The following FBRSL1 variants were observed in gnomAD, a reference collection of about 807,000 sequenced individuals.
FBRSL1 encodes the protein fibrosin-1-like protein.
Under a neutral mutation model 89.6 loss-of-function variants are expected in FBRSL1, and 51 were observed. The ratio of observed to expected loss-of-function variants is 0.57; its 90% CI spans 0.45 to 0.72. The LOEUF is 0.72. Among genes scored for constraint, FBRSL1 ranks in the 30% least tolerant of loss-of-function variants. The probability of loss-of-function intolerance (pLI) is 0.00; values close to 1 mark genes in which losing one functional copy is unlikely to be tolerated. For synonymous variants in FBRSL1, 779 were observed against 681.1 expected, an observed-to-expected ratio of 1.14 and a Z score of -2.24; for missense variants, 1,618 against 1,451.8, an observed-to-expected ratio of 1.11 and a Z score of -1.86.
intron 15 of FBRSL1, among the ~76,000 whole-genome samples, chr12:132,579,375 T>C (rs1452056948): frequency 6.6e-6 from 1 of 152,258 alleles, no homozygotes; most frequent in East Asian, 1.9e-4. Flanking sequence ...TAGGTATTAG[T>C]AGAATTACTC....
At chr12:132,548,599 G>A (rs368432681) in intron 5 of FBRSL1, among the ~76,000 whole-genome samples, 18 of 152,124 alleles carry the variant, frequency 1.2e-4, no homozygotes, top group Admixed American at 7.9e-4. Flanking sequence ...AGCAGCCTCC[G>A]GGGGGGCTCT....
Position 132,537,782 on chromosome 12 carries a change from G to A in FBRSL1, c.615+9794G>A, listed in dbSNP as rs552351787. Among the ~76,000 whole-genome samples, 15 of 152,334 alleles carry A rather than the reference G, an allele frequency of 9.8e-5. No individual in the cohort carries two copies. In the East Asian group the frequency reaches 1.9e-3, roughly 20 times the overall value. Reference sequence around the variant, plus strand: ...ACTTCAGAGCCCAGGCCGCCCACACGTGTGCCTGCTATGTCTCCAGCTAAG... The same window carrying A: ...ACTTCAGAGCCCAGGCCGCCCACACATGTGCCTGCTATGTCTCCAGCTAAG... On this transcript the variant is annotated intron_variant, in intron 4 of 18. Transcript: ENST00000680143.
At chr12:132,557,487 GCGGGGCT>G (rs148948630) in intron 5 of FBRSL1, among the ~76,000 whole-genome samples, 1,767 of 152,312 alleles carry the variant, frequency 0.012, 44 homozygotes, top group East Asian at 0.11. Flanking sequence ...GGGCTGTGGG[GCGGGGCT>G]CGGGGCTCGG....
At chr12:132,564,918 G>A (rs956622794) in intron 5 of FBRSL1, among the ~76,000 whole-genome samples, 4 of 141,750 alleles carry the variant, frequency 2.8e-5, no homozygotes, top group African/African-American at 8.6e-5. Context: ...CGTGAGCCGC[G>A]GCCGGCCGCC....
intron 5 of FBRSL1, among the ~76,000 whole-genome samples, chr12:132,562,427 G>A (rs937006510): frequency 1.3e-5 from 2 of 152,142 alleles, no homozygotes; most frequent in East Asian, 1.9e-4. Flanking sequence ...CATCCGACCC[G>A]GCCCCTGTGT....
At position 132,571,793 on chromosome 12, in the gene FBRSL1, G is replaced by C. The variant is rs974628282; in HGVS notation, c.1378-495G>C. 2.8e-4 allele frequency: 95 copies of C among 333,584 alleles called. 2 individuals are homozygous for C. Among genetic ancestry groups the C allele is most frequent in the African/African-American group, 1.9e-3 (85 of 45,388 alleles). 20.7% of individuals were successfully genotyped at this position (333,584 alleles called of 1,614,324 possible). A position where few individuals can be genotyped will look rare whatever the true frequency, so the allele number is the denominator to read the frequency against. On this transcript the variant is annotated intron_variant, in intron 9 of 18. Coordinates refer to ENST00000680143, the MANE Select transcript of FBRSL1 (RefSeq NM_001367871.1). ...ATGGGACACCCTCACGCCTGCACTA[G>C]ATCCCCAGTGCCAGGGCTGGAGGCC...
At chr12:132,534,325 C>T (rs1178734441) in intron 4 of FBRSL1, among the ~76,000 whole-genome samples, 1 of 152,244 alleles carries the variant, frequency 6.6e-6, no homozygotes, top group Admixed American at 6.5e-5. Context: ...ACCTTCATCT[C>T]CATGGCATTT....
At chr12:132,501,345 A>G (rs2032930203) in intron 1 of FBRSL1, among the ~76,000 whole-genome samples, 1 of 152,106 alleles carries the variant, frequency 6.6e-6, no homozygotes, top group Admixed American at 6.5e-5. Context: ...CTTTAGCGAC[A>G]CCTGGCTAGC....
intron 4 of FBRSL1, among the ~76,000 whole-genome samples, chr12:132,544,088 C>G (rs1038361612): frequency 1.3e-4 from 20 of 152,322 alleles, no homozygotes; most frequent in Non-Finnish European, 2.6e-4. Flanking sequence ...AGCCTGCCCC[C>G]ACGGCCAATC....
chr12:132,510,226 A>C (rs1395986887), intron 2 of FBRSL1: 1 of 1,231,426 alleles, frequency 8.1e-7, no homozygotes, highest in Non-Finnish European at 1.0e-6. Flanking sequence ...CCCATTCCCG[A>C]TCGCCCTTCA....
chr12:132,574,403 C>T (rs998833772), intron 13 of FBRSL1, 55 bp downstream of exon 13: 45 of 1,548,602 alleles, frequency 2.9e-5, no homozygotes, highest in African/African-American at 9.6e-5. Context: ...GCCCCCGGGG[C>T]GGCCTCGGGG....
Position 132,583,232 on chromosome 12 carries a change from C to A in FBRSL1, c.2463C>A (p.Asp821Glu). Residue 821 changes from aspartate (D) to glutamate (E), a missense_variant, in exon 19 of 19, where the codon GAC (aspartate) becomes GAA (glutamate). Asp to Glu is a conservative substitution (Grantham distance 45). Transcript: ENST00000680143. ...DVKVKEERGE[D>E]EASEPPAGGL... is the part of the protein sequence containing the mutation. Reference sequence around the variant, plus strand: ...AGGTCAAGGAGGAGCGCGGGGAGGACGAGGCCTCCGAGCCCCCGGCGGGCG... The same window carrying A: ...AGGTCAAGGAGGAGCGCGGGGAGGAAGAGGCCTCCGAGCCCCCGGCGGGCG... 7.2e-7 allele frequency: 1 copy of A among 1,379,390 alleles called. No homozygotes were observed. Among genetic ancestry groups the A allele is most frequent in the Non-Finnish European group, 9.4e-7 (1 of 1,065,570 alleles). The allele number at this position is 1,379,390 out of a possible 1,614,324, so 85.4% of individuals were successfully genotyped here. A position where few individuals can be genotyped will look rare whatever the true frequency, so the allele number is the denominator to read the frequency against.
intron 2 of FBRSL1, among the ~76,000 whole-genome samples, chr12:132,521,283 A>G (rs1462439118): frequency 6.6e-6 from 1 of 152,236 alleles, no homozygotes; most frequent in East Asian, 1.9e-4. Context: ...CTGTGTCCAC[A>G]CTCATTTCCA....
chr12:132,509,800 G>A, intron 2 of FBRSL1: 1 of 1,231,416 alleles, frequency 8.1e-7, no homozygotes, highest in Non-Finnish European at 1.0e-6. Context: ...CGGCCCCTGT[G>A]GTCGCTGCTA....
intron 14 of FBRSL1, 60 bp from the exon 15 acceptor site, chr12:132,576,739 G>A: frequency 1.3e-6 from 2 of 1,512,854 alleles, no homozygotes; most frequent in Admixed American, 2.1e-5. Flanking sequence ...TCAGGCCTGG[G>A]CTCCCTGTGT....
intron 2 of FBRSL1, among the ~76,000 whole-genome samples, chr12:132,514,271 C>T (rs1206720373): frequency 6.6e-6 from 1 of 152,188 alleles, no homozygotes; most frequent in Admixed American, 6.5e-5. Context: ...CAGGACTACC[C>T]GCAGGTGCCC....
At chr12:132,549,350 G>A (rs992628520) in intron 5 of FBRSL1, among the ~76,000 whole-genome samples, 3 of 152,148 alleles carry the variant, frequency 2.0e-5, no homozygotes, top group Admixed American at 2.0e-4. Context: ...CCATAGGAGT[G>A]GCCTCACCCG....
Position 132,494,405 on chromosome 12 carries a change from A to G in FBRSL1, c.291+3544A>G, listed in dbSNP as rs180893698. On this transcript the variant is annotated intron_variant, in intron 1 of 18. Coordinates refer to ENST00000680143, the MANE Select transcript of FBRSL1 (RefSeq NM_001367871.1). ...TTCCCACATAGCAAAGGCCATCCTT[A>G]TCTGGCCTCAGGCCACAGAACAGGT... is the stretch of plus-strand genomic sequence containing the variant. Among the ~76,000 whole-genome samples the G allele has an allele frequency of 2.2e-4, 34 of 152,338 alleles. No individual in the cohort carries two copies. In the East Asian group the frequency reaches 5.8e-3, roughly 26 times the overall value.
chr12:132,509,311 A>G, intron 2 of FBRSL1: 2 of 1,248,056 alleles, frequency 1.6e-6, no homozygotes, highest in South Asian at 4.1e-5. Context: ...GACCCTGGGC[A>G]GCCCTGCCAG....
Sources: allele counts gnomAD v4.1 joint callset (sites outside exome capture counted in the v4.1 genomes callset), GRCh38; gene constraint gnomAD v4.1.1; transcripts MANE v1.5; gene names NCBI Gene and HGNC (gene_info 2026-07-23, HGNC 2026-07-21).